WWOX: variants seen among roughly 807,000 people sequenced by gnomAD.
The protein encoded by WWOX is WW domain containing oxidoreductase.
Under a neutral mutation model 46.2 loss-of-function variants are expected in WWOX, and 69 were observed. The ratio of observed to expected loss-of-function variants is 1.49; its 90% CI spans 1.23 to 1.82. The LOEUF is 1.82. WWOX is among the 40% of genes most tolerant of loss of function. WWOX has a pLI of 0.00. For synonymous variants in WWOX, 359 were observed against 202.6 expected, an observed-to-expected ratio of 1.77 and a Z score of -6.56; for missense variants, 919 against 542.6, an observed-to-expected ratio of 1.69 and a Z score of -6.89.
At chr16:78,750,068 A>C in intron 8 of WWOX, among the ~76,000 whole-genome samples, 1 of 152,236 alleles carries the variant, frequency 6.6e-6, no homozygotes, top group East Asian at 1.9e-4. Flanking sequence ...ATAAGACAGC[A>C]TATGGAAGGC....
At chr16:79,010,064 A>T (rs534105241) in intron 8 of WWOX, among the ~76,000 whole-genome samples, 1 of 152,176 alleles carries the variant, frequency 6.6e-6, no homozygotes, top group African/African-American at 2.4e-5. Flanking sequence ...TATGCTTGCA[A>T]AGGCCTTGGC....
intron 8 of WWOX, among the ~76,000 whole-genome samples, chr16:78,901,969 T>C (rs980357889): frequency 1.3e-5 from 2 of 152,212 alleles, no homozygotes; most frequent in African/African-American, 4.8e-5. Flanking sequence ...ATTATGTGTG[T>C]ATTTCTAAGT....
chr16:78,604,588 G>T (rs1461366949), intron 8 of WWOX, among the ~76,000 whole-genome samples: 1 of 151,796 alleles, frequency 6.6e-6, no homozygotes, highest in East Asian at 1.9e-4. Context: ...TTTCTTTTAG[G>T]ATTCTATTAT....
chr16:79,006,025 T>C (rs949365307), intron 8 of WWOX, among the ~76,000 whole-genome samples: 1 of 152,154 alleles, frequency 6.6e-6, no homozygotes, highest in East Asian at 1.9e-4. Context: ...TCACCTCTTA[T>C]GTGCTAGGCC....
intron 8 of WWOX, among the ~76,000 whole-genome samples, chr16:78,859,900 C>T (rs994869078): frequency 2.6e-5 from 4 of 151,956 alleles, no homozygotes; most frequent in African/African-American, 9.7e-5. Context: ...CAGGTGGTTT[C>T]CAAGTAGACA....
intron 8 of WWOX, among the ~76,000 whole-genome samples, chr16:78,629,313 A>G (rs1320825437): frequency 6.6e-6 from 1 of 151,580 alleles, no homozygotes; most frequent in Non-Finnish European, 1.5e-5. Context: ...TCCCAGGAGC[A>G]CACTTGATAG....
chr16:78,753,825 AATATATATAT>A (rs1159243014), intron 8 of WWOX, among the ~76,000 whole-genome samples: 8 of 21,356 alleles, frequency 3.7e-4, no homozygotes, highest in African/African-American at 7.8e-4. Flanking sequence ...AAAAAAAAAA[AATATATATAT>A]ATATATATAT....
chr16:78,930,913 G>A (rs904918127), intron 8 of WWOX, among the ~76,000 whole-genome samples: 2 of 152,070 alleles, frequency 1.3e-5, no homozygotes, highest in African/African-American at 4.8e-5. Flanking sequence ...TTAGTTCTGG[G>A]TTCGTTCCCA....
intron 8 of WWOX, among the ~76,000 whole-genome samples, chr16:78,936,356 A>G (rs896641019): frequency 6.6e-6 from 1 of 152,044 alleles, no homozygotes; most frequent in Non-Finnish European, 1.5e-5. Flanking sequence ...ATGACTCTGA[A>G]CCTTTTGAAG....
At chr16:78,878,283 C>G (rs1338273804) in intron 8 of WWOX, among the ~76,000 whole-genome samples, 1 of 152,128 alleles carries the variant, frequency 6.6e-6, no homozygotes, top group African/African-American at 2.4e-5. Flanking sequence ...AATAAAAATA[C>G]CATGCTGAAT....
chr16:78,238,523 C>A (rs1289958604), intron 5 of WWOX, among the ~76,000 whole-genome samples: 1 of 152,040 alleles, frequency 6.6e-6, no homozygotes, highest in African/African-American at 2.4e-5. Context: ...GCTGAATAAT[C>A]ATATTTTCAC....
At chr16:78,731,325 T>G (rs997574571) in intron 8 of WWOX, among the ~76,000 whole-genome samples, 8 of 152,136 alleles carry the variant, frequency 5.3e-5, no homozygotes, top group Admixed American at 3.9e-4. Context: ...TCCTCTGCTT[T>G]TTCAGGTAGA....
chr16:79,119,850 A>G (rs2049592523), intron 8 of WWOX, among the ~76,000 whole-genome samples: 1 of 152,186 alleles, frequency 6.6e-6, no homozygotes, highest in East Asian at 1.9e-4. Context: ...GCCAGCAAAC[A>G]AGACATAGGG....
chr16:78,502,415 C>G (rs1220664350), intron 8 of WWOX, among the ~76,000 whole-genome samples: 2 of 152,200 alleles, frequency 1.3e-5, no homozygotes, highest in Non-Finnish European at 1.5e-5. Context: ...TTCTGCGTAC[C>G]TCATATAAAT....
intron 5 of WWOX, among the ~76,000 whole-genome samples, chr16:78,213,504 G>A (rs1204702419): frequency 1.3e-5 from 2 of 151,690 alleles, no homozygotes; most frequent in African/African-American, 4.8e-5. Context: ...ATACTTATGA[G>A]CAGCGCTCAC....
rs150609299 is a variant in WWOX, at chr16:78,409,248, ATAAAAGGG to A, written c.606-15620_606-15613del. Among the ~76,000 whole-genome samples the A allele has an allele frequency of 9.9e-3, 1,503 of 152,310 alleles. 23 individuals carry two copies. Among genetic ancestry groups the A allele is most frequent in the African/African-American group, 0.033 (1,367 of 41,548 alleles). ...TGAGTTTTAAAGCTAGCACTGTACA[ATAAAAGGG>A]TGAATTTCACTATGAATTATGACAA... On this transcript the variant is annotated intron_variant, in intron 6 of 8. Transcript: ENST00000566780.
At chr16:79,209,766 T>C (rs1224886594) in intron 8 of WWOX, among the ~76,000 whole-genome samples, 1 of 152,188 alleles carries the variant, frequency 6.6e-6, no homozygotes, top group African/African-American at 2.4e-5. Flanking sequence ...CACTTCTGCT[T>C]CCCTTTTCCC....
Position 79,175,111 on chromosome 16 carries a change from G to C in WWOX, c.1057-36497G>C, listed in dbSNP as rs187911546. Among the ~76,000 whole-genome samples the C allele has an allele frequency of 3.9e-5, 6 of 152,216 alleles. No homozygotes were observed. The East Asian group carries it at 1.2e-3, about 29-fold the overall frequency. On this transcript the variant is annotated intron_variant, in intron 8 of 8. Transcript: ENST00000566780. The stretch of plus-strand genomic sequence containing the variant: ...TCACTTCTCTAGTGTTTGGGATTTG[G>C]GGCAACCTACTGGGTCTAGCTATGA...
chr16:78,888,706 C>G (rs925352718), intron 8 of WWOX, among the ~76,000 whole-genome samples: 2 of 152,168 alleles, frequency 1.3e-5, no homozygotes, highest in Non-Finnish European at 1.5e-5. Flanking sequence ...TCCCTTTGCT[C>G]ATCTCTAGAC....
Sources: allele counts gnomAD v4.1 joint callset (sites outside exome capture counted in the v4.1 genomes callset), GRCh38; gene constraint gnomAD v4.1.1; transcripts MANE v1.5; gene names NCBI Gene and HGNC (gene_info 2026-07-23, HGNC 2026-07-21).